SAV1: variants seen among roughly 807,000 people sequenced by gnomAD.
SAV1 encodes protein salvador homolog 1.
SAV1 carries 23 observed loss-of-function variants against 47.3 expected under a neutral mutation model. The observed-to-expected ratio is 0.49, with a 90% CI of 0.35 to 0.69. The LOEUF is 0.69. Ranked by LOEUF, SAV1 falls within the 30% of genes least tolerant of loss-of-function variation. The pLI, the probability that SAV1 is intolerant of heterozygous loss-of-function variation, is 0.01. For missense variants in SAV1, 448 were observed against 457.4 expected (o/e 0.98, Z 0.19); for synonymous variants, 155 against 159.2 (o/e 0.97, Z 0.20).
At position 50,642,081 on chromosome 14, in the gene SAV1, C is replaced by T. The variant is rs115518518; in HGVS notation, c.807-1188G>A. On this transcript the variant is annotated intron_variant, in intron 3 of 4. Coordinates refer to ENST00000324679, the MANE Select transcript of SAV1 (RefSeq NM_021818.4). ...CAGCAACACTGATGGAACTGGAGGC[C>T]ATTATCCTAAGTGAATTAATGCAGG... Among the ~76,000 whole-genome samples, 864 of 152,212 alleles carry T rather than the reference C, an allele frequency of 5.7e-3. 5 individuals are homozygous for T. Among genetic ancestry groups the T allele is most frequent in the African/African-American group, 0.02 (834 of 41,522 alleles).
intron 2 of SAV1, among the ~76,000 whole-genome samples, chr14:50,657,746 C>T (rs548837384): frequency 8.4e-4 from 128 of 152,286 alleles, no homozygotes; most frequent in Non-Finnish European, 1.4e-3. Flanking sequence ...CTTCTATTTG[C>T]AGGAATTAAC....
chr14:50,658,554 A>G (rs1340217163), intron 2 of SAV1, among the ~76,000 whole-genome samples: 4 of 152,230 alleles, frequency 2.6e-5, no homozygotes, highest in African/African-American at 7.2e-5. Context: ...ACTAAATACA[A>G]TAAGCTGAAT....
intron 4 of SAV1, among the ~76,000 whole-genome samples, chr14:50,637,116 C>G (rs751374043): frequency 3.9e-5 from 6 of 152,074 alleles, no homozygotes; most frequent in Non-Finnish European, 7.4e-5. Context: ...ACAGAAATGT[C>G]AGTAATACAA....
intron 1 of SAV1, chr14:50,667,636 T>C (rs1023498781): frequency 5.8e-6 from 3 of 513,430 alleles, no homozygotes; most frequent in Non-Finnish European, 1.0e-5. Flanking sequence ...AGGAAGTCTG[T>C]TATTTTTAGG....
intron 2 of SAV1, among the ~76,000 whole-genome samples, chr14:50,659,064 CT>C (rs1479228458): frequency 1.4e-5 from 2 of 139,596 alleles, no homozygotes; most frequent in African/African-American, 5.5e-5. Context: ...GTATCAACTG[CT>C]GTAAAGAATT....
chr14:50,642,590 A>G (rs1270597610), intron 3 of SAV1, among the ~76,000 whole-genome samples: 1 of 152,112 alleles, frequency 6.6e-6, no homozygotes, highest in Non-Finnish European at 1.5e-5. Flanking sequence ...CAATTTACCC[A>G]TGTAACAAAC....
rs1303300498 is a variant in SAV1 at position 50,640,772 on chromosome 14, C to G, written c.928G>C (p.Val310Leu). 6 of 1,613,310 alleles carry G rather than the reference C, an allele frequency of 3.7e-6. No homozygotes were observed. The highest frequency in any genetic ancestry group is 5.1e-6 in the Non-Finnish European group (6 of 1,179,612). ...TACTTCACAGGGGCTCGTGCGTAAA[C>G]CTGAAGCCAGTCAGGAATTTCTGCA... ...HTAEIPDWLQ[V>L]YARAPVKYDH... Residue 310 changes from valine (V) to leucine (L), a missense_variant, in exon 4 of 5, where the codon GTT becomes CTT. Val to Leu is a conservative substitution (Grantham distance 32, BLOSUM62 1). Coordinates refer to ENST00000324679, the MANE Select transcript of SAV1 (RefSeq NM_021818.4).
intron 2 of SAV1, among the ~76,000 whole-genome samples, chr14:50,657,433 G>A (rs920881503): frequency 1.3e-5 from 2 of 152,160 alleles, no homozygotes; most frequent in Non-Finnish European, 2.9e-5. Flanking sequence ...CCAATTTACA[G>A]ATGAGAAAAC....
intron 2 of SAV1, among the ~76,000 whole-genome samples, chr14:50,657,533 C>A (rs2039823313): frequency 6.6e-6 from 1 of 152,016 alleles, no homozygotes; most frequent in Non-Finnish European, 1.5e-5. Flanking sequence ...ATCTCAGCAA[C>A]AAAAGATCAA....
chr14:50,661,063 T>C (rs1379199448), intron 2 of SAV1, among the ~76,000 whole-genome samples: 2 of 152,216 alleles, frequency 1.3e-5, no homozygotes, highest in Non-Finnish European at 2.9e-5. Context: ...GTCCTAATTA[T>C]TGTAACATTC....
At chr14:50,640,939 C>G (rs1053705701) in intron 3 of SAV1, 46 bp from the exon 4 acceptor site, 1 of 1,519,788 alleles carries the variant, frequency 6.6e-7, no homozygotes, top group East Asian at 2.3e-5. Flanking sequence ...GTCTTAAAAT[C>G]TAAACAAGAA....
chr14:50,640,670 T>C, intron 4 of SAV1, 80 bp downstream of exon 4: 1 of 1,284,338 alleles, frequency 7.8e-7, no homozygotes. Flanking sequence ...TATGGCACAC[T>C]ACTTGGATCG....
intron 4 of SAV1, 87 bp downstream of exon 4, chr14:50,640,663 G>A (rs1351293601): frequency 2.6e-6 from 3 of 1,165,682 alleles, no homozygotes; most frequent in Admixed American, 2.5e-5. Flanking sequence ...AGTAAAATAT[G>A]GCACACTACT....
chr14:50,651,071 CTTCGGATAA>C (rs1257592211), intron 2 of SAV1, among the ~76,000 whole-genome samples: 1 of 292 alleles, frequency 3.4e-3, no homozygotes, highest in African/African-American at 9.8e-3. Flanking sequence ...CAGAGCGAAG[CTTCGGATAA>C]CTGCAGCCCC....
At chr14:50,663,037 T>C (rs1355296748) in intron 2 of SAV1, 3 of 152,270 alleles carry the variant, frequency 2.0e-5, no homozygotes, top group Non-Finnish European at 4.4e-5. Context: ...ACTTCTCCTC[T>C]TTCCAAATTT....
At position 50,645,996 on chromosome 14, in the gene SAV1, C is replaced by G. The variant is rs576116523; in HGVS notation, c.536-982G>C. Among the ~76,000 whole-genome samples the G allele has an allele frequency of 2.0e-5, 3 of 152,266 alleles. No individual in the cohort carries two copies. In the East Asian group the frequency reaches 5.8e-4, roughly 29 times the overall value. ...GATGAAAGAAATAAAAAACCTATCACATTAACGGATTGGAAGATTCGACAT... is the reference window on the plus strand; with the variant it reads ...GATGAAAGAAATAAAAAACCTATCAGATTAACGGATTGGAAGATTCGACAT... On this transcript the variant is annotated intron_variant, in intron 2 of 4. Transcript: ENST00000324679.
At position 50,633,937 on chromosome 14, in the gene SAV1, T is replaced by C. The variant is rs990275239; in HGVS notation, c.*1246A>G. 2.1e-5 allele frequency: 4 copies of C among 194,860 alleles called. No individual in the cohort carries two copies. The highest frequency in any genetic ancestry group is 4.4e-5 in the Non-Finnish European group (4 of 90,122). 12.1% of individuals were successfully genotyped at this position (194,860 alleles called of 1,614,324 possible). A position where few individuals can be genotyped will look rare whatever the true frequency, so the allele number is the denominator to read the frequency against. On this transcript the variant is annotated 3_prime_UTR_variant, in exon 5 of 5. Coordinates refer to ENST00000324679, the MANE Select transcript of SAV1 (RefSeq NM_021818.4). ...CTAATTATGAAAAATGTTTTAACTA[T>C]TAAACCAAAAGGGGAGAAAAACTGG...
At chr14:50,648,873 G>A (rs1395248716) in intron 2 of SAV1, among the ~76,000 whole-genome samples, 1 of 152,086 alleles carries the variant, frequency 6.6e-6, no homozygotes, top group African/African-American at 2.4e-5. Flanking sequence ...ACCACAGGTT[G>A]GTGATACTGG....
At chr14:50,645,142 C>G in intron 2 of SAV1, 128 bp from the exon 3 acceptor site, 1 of 771,412 alleles carries the variant, frequency 1.3e-6, no homozygotes, top group Non-Finnish European at 2.0e-6. Context: ...ATGATTATGC[C>G]CATTATGATG....
Sources: gnomAD v4.1 joint callset for allele counts (sites outside exome capture counted in the v4.1 genomes callset) on GRCh38, gnomAD v4.1.1 for gene constraint, MANE v1.5 for transcripts, NCBI Gene and HGNC (gene_info 2026-07-23, HGNC 2026-07-21) for gene names.